GRK4: variants seen among roughly 807,000 people sequenced by gnomAD.
GRK4 encodes the protein G protein-coupled receptor kinase 4.
GRK4 carries 73 observed loss-of-function variants against 77.9 expected under a neutral mutation model. The observed-to-expected ratio is 0.94, with a 90% CI of 0.78 to 1.14. GRK4 has a LOEUF of 1.14. Ranked by LOEUF, GRK4 falls within the 50% of genes most tolerant of loss-of-function variation. The probability of loss-of-function intolerance (pLI) is 0.00; values close to 1 mark genes in which losing one functional copy is unlikely to be tolerated. For missense variants in GRK4, 729 were observed against 700.2 expected (o/e 1.04, Z -0.46); for synonymous variants, 257 against 254.4 (o/e 1.01, Z -0.10).
intron 8 of GRK4, among the ~76,000 whole-genome samples, chr4:3,019,155 C>T (rs1735383350): frequency 6.6e-6 from 1 of 152,118 alleles, no homozygotes; most frequent in Admixed American, 6.5e-5. Flanking sequence ...CCTATCTTTG[C>T]ATATATAGAG....
At chr4:3,009,574 G>A in intron 6 of GRK4, 74 bp from the exon 7 acceptor site, 1 of 1,118,488 alleles carries the variant, frequency 8.9e-7, no homozygotes, top group South Asian at 1.3e-5. Flanking sequence ...GCGAAGACAA[G>A]CGCTGAGTAA....
chr4:3,030,710 T>G (rs1738913877), intron 12 of GRK4, among the ~76,000 whole-genome samples: 1 of 145,572 alleles, frequency 6.9e-6, no homozygotes, highest in South Asian at 2.2e-4. Flanking sequence ...AAGGCCACAG[T>G]GGCAGGCTGC....
At chr4:2,987,491 T>C (rs1287953214) in intron 2 of GRK4, among the ~76,000 whole-genome samples, 1 of 152,236 alleles carries the variant, frequency 6.6e-6, no homozygotes, top group East Asian at 1.9e-4. Context: ...GAGTTGGATA[T>C]TGCGTGGACA....
chr4:3,004,580 T>A (rs1183707148), intron 5 of GRK4, among the ~76,000 whole-genome samples: 1 of 152,166 alleles, frequency 6.6e-6, no homozygotes, highest in Non-Finnish European at 1.5e-5. Flanking sequence ...ACTGATAACA[T>A]AAACAGCAGA....
intron 13 of GRK4, among the ~76,000 whole-genome samples, chr4:3,036,824 T>C (rs2187695): frequency 0.65 from 98,356 of 151,978 alleles, 32,593 homozygotes; most frequent in African/African-American, 0.79. Context: ...GTTCCTCAGG[T>C]TTTCTCCGGG....
chr4:3,033,914 G>A (rs1047086778), intron 12 of GRK4, among the ~76,000 whole-genome samples: 4 of 152,190 alleles, frequency 2.6e-5, no homozygotes, highest in African/African-American at 9.7e-5. Flanking sequence ...AACAAAGCAT[G>A]CAAAGAATAA....
chr4:2,997,864 C>T (rs1728391648), intron 4 of GRK4, among the ~76,000 whole-genome samples: 1 of 147,260 alleles, frequency 6.8e-6, no homozygotes, highest in Non-Finnish European at 1.5e-5. Context: ...GCTGAGATTG[C>T]ACCACTGCAC....
intron 3 of GRK4, among the ~76,000 whole-genome samples, chr4:2,989,373 T>C (rs1378812953): frequency 1.3e-5 from 2 of 152,222 alleles, no homozygotes; most frequent in East Asian, 3.8e-4. Context: ...GAGGCTTGAA[T>C]TGTATGAAGA....
chr4:2,974,128 C>T (rs372289396), intron 1 of GRK4, among the ~76,000 whole-genome samples: 1 of 152,324 alleles, frequency 6.6e-6, no homozygotes, highest in East Asian at 1.9e-4. Context: ...ATTATAGATA[C>T]ACACCACCAC....
chr4:3,016,995 G>A (rs6815800), intron 8 of GRK4, among the ~76,000 whole-genome samples: 365 of 152,296 alleles, frequency 2.4e-3, no homozygotes, highest in African/African-American at 8.5e-3. Flanking sequence ...TCCCTGCTGC[G>A]CCCTGACCCA....
At chr4:3,036,182 C>T (rs1740584610) in intron 13 of GRK4, among the ~76,000 whole-genome samples, 1 of 152,230 alleles carries the variant, frequency 6.6e-6, no homozygotes, top group African/African-American at 2.4e-5. Context: ...TTTCCCACAG[C>T]CGTGAGGCCC....
intron 7 of GRK4, among the ~76,000 whole-genome samples, chr4:3,010,907 C>T (rs1033057078): frequency 6.6e-6 from 1 of 152,140 alleles, no homozygotes; most frequent in African/African-American, 2.4e-5. Flanking sequence ...AATTGGCCAA[C>T]GTAGTTGTTA....
At chr4:2,990,246 CTTTTTTTTTTTTTTTT>C (rs71644371) in intron 3 of GRK4, among the ~76,000 whole-genome samples, 4 of 70,716 alleles carry the variant, frequency 5.7e-5, no homozygotes, top group Admixed American at 4.9e-4. Context: ...TCTTCTTCTT[CTTTTTTTTTTTTTTTT>C]TTTTTTTTTT....
At chr4:2,990,625 C>CATGTAG (rs1475118819) in intron 3 of GRK4, among the ~76,000 whole-genome samples, 1 of 152,116 alleles carries the variant, frequency 6.6e-6, no homozygotes, top group African/African-American at 2.4e-5. Flanking sequence ...GGATGGAACC[C>CATGTAG]TGGGTGTAAG....
At chr4:2,964,188 C>T in intron 1 of GRK4, 66 bp downstream of exon 1, 1 of 1,298,698 alleles carries the variant, frequency 7.7e-7, no homozygotes, top group Non-Finnish European at 1.1e-6. Flanking sequence ...GAACCCTGGC[C>T]CCCCTGAAGG....
At chr4:2,980,958 T>C (rs1459498415) in intron 1 of GRK4, among the ~76,000 whole-genome samples, 2 of 152,256 alleles carry the variant, frequency 1.3e-5, no homozygotes, top group African/African-American at 4.8e-5. Context: ...GTGTGGGGTC[T>C]GGCCATTGGG....
chr4:2,979,440 C>A (rs1478411130), intron 1 of GRK4, among the ~76,000 whole-genome samples: 1 of 149,462 alleles, frequency 6.7e-6, no homozygotes, highest in Admixed American at 6.6e-5. Context: ...TGGCCAGGCA[C>A]GGTGGCTCAC....
rs567413788 is a variant in GRK4, at chr4:2,973,159, C to G, written c.52+9037C>G. ...GCATCAGTTCTTGGTCCTTGTCTTG[C>G]TGCCCCCGTGGGCTGCACTGACGTG... On this transcript the variant is annotated intron_variant, in intron 1 of 15. Transcript: ENST00000398052. 5.2e-5 allele frequency among the ~76,000 whole-genome samples: 8 copies of G among 152,386 alleles called. No individual in the cohort carries two copies. The South Asian group carries it at 1.7e-3, about 32-fold the overall frequency.
intron 1 of GRK4, among the ~76,000 whole-genome samples, chr4:2,973,404 C>T (rs1045452266): frequency 2.6e-5 from 4 of 152,144 alleles, no homozygotes; most frequent in Admixed American, 2.6e-4. Flanking sequence ...CACCAGTTCA[C>T]GCCTGCAGGC....
Sources: gnomAD v4.1 joint callset for allele counts (sites outside exome capture counted in the v4.1 genomes callset) on GRCh38, gnomAD v4.1.1 for gene constraint, MANE v1.5 for transcripts, NCBI Gene and HGNC (gene_info 2026-07-23, HGNC 2026-07-21) for gene names.